Variants in PDGFRL observed in about 807,000 individuals in gnomAD.
PDGFRL encodes the protein platelet derived growth factor receptor like, also known as platelet-derived growth factor receptor-like protein.
Under a neutral mutation model 37.2 loss-of-function variants are expected in PDGFRL, and 46 were observed. The ratio of observed to expected loss-of-function variants is 1.24; its 90% CI spans 0.98 to 1.58. The LOEUF is 1.58. Among genes scored for constraint, PDGFRL ranks in the 40% most tolerant of loss-of-function variants. The probability of loss-of-function intolerance (pLI) is 0.00; values close to 1 mark genes in which losing one functional copy is unlikely to be tolerated. For synonymous variants in PDGFRL, 251 were observed against 184.3 expected (o/e 1.36, Z -2.93); for missense variants, 692 against 467.6 (o/e 1.48, Z -4.43).
chr8:17,611,328 C>T (rs1317132805), intron 2 of PDGFRL, among the ~76,000 whole-genome samples: 2 of 152,234 alleles, frequency 1.3e-5, no homozygotes, highest in African/African-American at 2.4e-5. Flanking sequence ...CCCACTTTCA[C>T]TCACTGAATT....
chr8:17,584,594 C>T (rs866916345), intron 1 of PDGFRL, among the ~76,000 whole-genome samples: 2 of 151,924 alleles, frequency 1.3e-5, no homozygotes, highest in South Asian at 2.1e-4. Context: ...CAGGGTCCTG[C>T]GAGCCATGTG....
At chr8:17,591,928 A>G (rs929732043) in intron 2 of PDGFRL, among the ~76,000 whole-genome samples, 18 of 152,182 alleles carry the variant, frequency 1.2e-4, no homozygotes, top group African/African-American at 3.9e-4. Flanking sequence ...AAAGAAACAA[A>G]GAAAGAAAGG....
At chr8:17,603,973 T>C (rs963257024) in intron 2 of PDGFRL, among the ~76,000 whole-genome samples, 1 of 151,802 alleles carries the variant, frequency 6.6e-6, no homozygotes, top group Non-Finnish European at 1.5e-5. Context: ...GAAGGGCAGG[T>C]GGGTAAGATG....
chr8:17,634,033 C>T (rs373909844), intron 4 of PDGFRL, 41 bp from the exon 5 acceptor site: 3 of 1,605,432 alleles, frequency 1.9e-6, no homozygotes, highest in African/African-American at 1.3e-5. Context: ...TTCAAGGTTA[C>T]ACTCGGGGTC....
chr8:17,597,887 T>C (rs529483913), intron 2 of PDGFRL, among the ~76,000 whole-genome samples: 6 of 152,336 alleles, frequency 3.9e-5, no homozygotes, highest in Non-Finnish European at 7.3e-5. Context: ...TAATGTGTTG[T>C]AACCTGCAGT....
intron 1 of PDGFRL, among the ~76,000 whole-genome samples, chr8:17,588,648 G>T (rs903288136): frequency 2.6e-5 from 4 of 152,154 alleles, no homozygotes; most frequent in Non-Finnish European, 5.9e-5. Flanking sequence ...ATTCCAGCCT[G>T]GGTGACAGAG....
chr8:17,611,102 C>T lies in PDGFRL; in HGVS notation c.354-9949C>T, dbSNP rs144515458. 2.1e-3 allele frequency among the ~76,000 whole-genome samples: 314 copies of T among 152,324 alleles called. 1 individual carries two copies. Among genetic ancestry groups the T allele is most frequent in the African/African-American group, 7.2e-3 (301 of 41,578 alleles). Reference sequence around the variant, plus strand: ...CGCAGTGGGAGGCATGCCAAACTCTCTTTTCTCAGGAGTCCCCAGGGATTT... The same window carrying T: ...CGCAGTGGGAGGCATGCCAAACTCTTTTTTCTCAGGAGTCCCCAGGGATTT... On this transcript the variant is annotated intron_variant, in intron 2 of 5. Coordinates refer to ENST00000251630, the MANE Select transcript of PDGFRL (RefSeq NM_001372073.1).
intron 4 of PDGFRL, among the ~76,000 whole-genome samples, chr8:17,631,188 G>A (rs1176050150): frequency 2.0e-5 from 3 of 152,196 alleles, no homozygotes; most frequent in Middle Eastern, 3.4e-3. Context: ...CCGCTCCCTC[G>A]CCTTTCTGGA....
intron 3 of PDGFRL, among the ~76,000 whole-genome samples, chr8:17,626,756 C>T (rs930013921): frequency 1.3e-5 from 2 of 152,140 alleles, no homozygotes; most frequent in African/African-American, 4.8e-5. Flanking sequence ...AAGCCACCAG[C>T]ACCAACAAAA....
intron 2 of PDGFRL, among the ~76,000 whole-genome samples, chr8:17,591,947 G>A (rs538206617): frequency 2.0e-5 from 3 of 152,108 alleles, no homozygotes; most frequent in African/African-American, 7.2e-5. Context: ...GGCTGCAGAG[G>A]GCAGGTATCT....
chr8:17,579,810 T>C (rs1803668463), intron 1 of PDGFRL, among the ~76,000 whole-genome samples: 1 of 152,022 alleles, frequency 6.6e-6, no homozygotes, highest in African/African-American at 2.4e-5. Flanking sequence ...ATGTTCTTTC[T>C]CCTCATGAAG....
In PDGFRL at chr8:17,589,351, C is replaced by T. The variant is rs897714379; in HGVS notation, c.56-117C>T. The T allele has an allele frequency of 7.2e-5, 54 of 744,994 alleles. No individual in the cohort carries two copies. The African/African-American group carries it at 8.8e-4, about 12-fold the overall frequency. The allele number at this position is 744,994 out of a possible 1,614,324, so 46.1% of individuals were successfully genotyped here. ...CAGTGAGCTGAGATTATGCCACTGC[C>T]CTCCAACCTGGGCAATAGAGTAAGA... On this transcript the variant is annotated intron_variant, in intron 1 of 5. Transcript: ENST00000251630.
At chr8:17,633,093 A>T (rs2588257) in intron 4 of PDGFRL, among the ~76,000 whole-genome samples, 144,541 of 152,198 alleles carry the variant, frequency 0.95, 68,631 homozygotes, top group East Asian at 0.98. Context: ...CAGGTCCATC[A>T]CCCTCCCTGC....
chr8:17,615,699 G>T (rs1563520774), intron 2 of PDGFRL, among the ~76,000 whole-genome samples: 1 of 152,124 alleles, frequency 6.6e-6, no homozygotes, highest in South Asian at 2.1e-4. Context: ...GAGATTGCTT[G>T]AGGCCAGGAA....
chr8:17,632,138 T>C (rs538966686), intron 4 of PDGFRL, among the ~76,000 whole-genome samples: 1 of 152,358 alleles, frequency 6.6e-6, no homozygotes, highest in South Asian at 2.1e-4. Flanking sequence ...GGCCTGCGGC[T>C]GGAAGCCAAG....
intron 2 of PDGFRL, among the ~76,000 whole-genome samples, chr8:17,604,526 A>G (rs7825967): frequency 0.24 from 35,985 of 151,690 alleles, 5,154 homozygotes; most frequent in African/African-American, 0.42. Context: ...ATAGGTAGGA[A>G]TTGAACAACG....
At chr8:17,630,346 A>G (rs973675000) in intron 4 of PDGFRL, among the ~76,000 whole-genome samples, 3 of 152,186 alleles carry the variant, frequency 2.0e-5, no homozygotes, top group Admixed American at 1.3e-4. Context: ...ATTTCATAGC[A>G]TTTATACATG....
chr8:17,620,635 A>G (rs2129763127), intron 2 of PDGFRL, among the ~76,000 whole-genome samples: 1 of 152,310 alleles, frequency 6.6e-6, no homozygotes, highest in Admixed American at 6.5e-5. Flanking sequence ...CATTTTCACG[A>G]TTAACATTTC....
chr8:17,580,064 A>G (rs1233191845), intron 1 of PDGFRL, among the ~76,000 whole-genome samples: 1 of 152,194 alleles, frequency 6.6e-6, no homozygotes, highest in East Asian at 1.9e-4. Context: ...GTCAGGAGCA[A>G]ACACTGAAGT....
Sources: gnomAD v4.1 joint callset for allele counts (sites outside exome capture counted in the v4.1 genomes callset) on GRCh38, gnomAD v4.1.1 for gene constraint, MANE v1.5 for transcripts, NCBI Gene and HGNC (gene_info 2026-07-23, HGNC 2026-07-21) for gene names.